ATP10B: variants seen among roughly 807,000 people sequenced by gnomAD.
ATP10B encodes phospholipid-transporting ATPase VB.
In ATP10B, 122 loss-of-function variants were observed where a neutral mutation model predicts 141.2. The observed-to-expected ratio is 0.86, with a 90% CI of 0.75 to 1.00. The LOEUF (loss-of-function observed/expected upper bound fraction) is 1.00, where lower values mean the gene tolerates loss of function less well. Among genes scored for constraint, ATP10B ranks in the 50% least tolerant of loss-of-function variants. The pLI, the probability that ATP10B is intolerant of heterozygous loss-of-function variation, is 0.00. For missense variants in ATP10B, 1,876 were observed against 1,825.3 expected (o/e 1.03, Z -0.51); for synonymous variants, 685 against 692.0 (o/e 0.99, Z 0.16).
At position 160,834,946 on chromosome 5, in the gene ATP10B, C is replaced by T. The variant is rs146513761; in HGVS notation, c.-576+16995G>A. Among the ~76,000 whole-genome samples, 304 of 152,214 alleles carry T rather than the reference C, an allele frequency of 2.0e-3. 3 individuals carry two copies. Among genetic ancestry groups the T allele is most frequent in the African/African-American group, 7.1e-3 (294 of 41,546 alleles). ...TGTTTATGCCTGCAACATTTGCCAT[C>T]TATACCACCTTAGTCTTATGAGAAC... On this transcript the variant is annotated intron_variant, in intron 1 of 25. Transcript: ENST00000327245.
At chr5:160,571,247 A>C in intron 24 of ATP10B, among the ~76,000 whole-genome samples, 1 of 152,194 alleles carries the variant, frequency 6.6e-6, no homozygotes, top group Non-Finnish European at 1.5e-5. Flanking sequence ...TGCTTCTATA[A>C]TTTTCATTAC....
chr5:160,610,891 C>T (rs59205394), intron 18 of ATP10B, among the ~76,000 whole-genome samples: 9 of 152,170 alleles, frequency 5.9e-5, no homozygotes, highest in African/African-American at 1.9e-4. Context: ...AGGTCTAGGT[C>T]GATCCCATAA....
At chr5:160,916,988 G>A in the ATP10B span, among the ~76,000 whole-genome samples, 13 of 152,314 alleles carry the variant, frequency 8.5e-5, no homozygotes, top group Admixed American at 6.5e-4. Context: ...CTGAGTATAC[G>A]TGCAAGTGTA....
chr5:160,654,710 A>G (rs75600061), intron 7 of ATP10B, among the ~76,000 whole-genome samples: 1,546 of 146,448 alleles, frequency 0.011, 19 homozygotes, highest in African/African-American at 0.04. Context: ...CATCGTCATC[A>G]TCATCATCAT....
rs112350364 is a variant in ATP10B, at chr5:160,836,951, AT to A, written c.-576+14989del. On this transcript the variant is annotated intron_variant, in intron 1 of 25. Coordinates refer to ENST00000327245, the MANE Select transcript of ATP10B (RefSeq NM_025153.3). ...ATTCCCTTGCTCAAGCCAAAAATGT[AT>A]TTTTTTTCTGATATCTCACTTTCCC... is the stretch of plus-strand genomic sequence containing the variant. 6.6e-5 allele frequency among the ~76,000 whole-genome samples: 10 copies of A among 151,864 alleles called. No homozygotes were observed. The East Asian group carries it at 1.4e-3, about 21-fold the overall frequency.
chr5:160,646,922 G>A (rs1343796713), intron 8 of ATP10B, among the ~76,000 whole-genome samples: 1 of 152,176 alleles, frequency 6.6e-6, no homozygotes, highest in Non-Finnish European at 1.5e-5. Flanking sequence ...CTCTGCTGGG[G>A]TGGGGGGCTG....
At chr5:160,734,106 CAAAAAA>C (rs34655958) in intron 2 of ATP10B, among the ~76,000 whole-genome samples, 1 of 67,924 alleles carries the variant, frequency 1.5e-5, no homozygotes, top group Non-Finnish European at 2.8e-5. Flanking sequence ...GACTCCATCT[CAAAAAA>C]AAAAAAAAAA....
At chr5:160,851,546 G>T (rs1267155580) in intron 1 of ATP10B, among the ~76,000 whole-genome samples, 1 of 152,158 alleles carries the variant, frequency 6.6e-6, no homozygotes, top group Non-Finnish European at 1.5e-5. Context: ...GCCATGTAAT[G>T]ATCTCATTCT....
intron 7 of ATP10B, among the ~76,000 whole-genome samples, chr5:160,653,802 T>C (rs1761212580): frequency 1.6e-5 from 2 of 121,740 alleles, no homozygotes; most frequent in South Asian, 4.8e-4. Context: ...TATAGACGTA[T>C]ATACATATAT....
chr5:160,645,581 C>T (rs1760222455), intron 8 of ATP10B, among the ~76,000 whole-genome samples: 1 of 152,306 alleles, frequency 6.6e-6, no homozygotes, highest in Non-Finnish European at 1.5e-5. Context: ...GTCCAGGGAG[C>T]ATTGCAGTTT....
intron 9 of ATP10B, among the ~76,000 whole-genome samples, chr5:160,642,499 G>T (rs1231037097): frequency 6.6e-6 from 1 of 152,120 alleles, no homozygotes; most frequent in East Asian, 1.9e-4. Flanking sequence ...ATTTGGCAAC[G>T]TCTTGAGAAA....
the ATP10B span, among the ~76,000 whole-genome samples, chr5:160,926,187 G>C: frequency 2.0e-5 from 3 of 152,200 alleles, no homozygotes; most frequent in Non-Finnish European, 4.4e-5. Context: ...ATCCAAGGAA[G>C]ACTCTTAAGA....
chr5:160,770,914 G>A (rs12517197), intron 2 of ATP10B, among the ~76,000 whole-genome samples: 23,766 of 152,124 alleles, frequency 0.16, 2,690 homozygotes, highest in East Asian at 0.43. Context: ...GTAGGTATTT[G>A]CATACTCAGC....
chr5:160,853,700 A>G (rs1488092897), upstream of ATP10B, among the ~76,000 whole-genome samples: 2 of 152,306 alleles, frequency 1.3e-5, no homozygotes, highest in East Asian at 1.9e-4. Context: ...CGTAAATACT[A>G]ACAGACATAT....
the ATP10B span, among the ~76,000 whole-genome samples, chr5:160,913,433 G>A: frequency 3.3e-5 from 5 of 152,096 alleles, no homozygotes; most frequent in Non-Finnish European, 5.9e-5. Flanking sequence ...GTTACTATGG[G>A]ACTGCAGTCT....
In ATP10B at chr5:160,612,786, C is replaced by T. The variant is rs536498563; in HGVS notation, c.2793G>A (p.Leu931=). The change falls in exon 18 of 26, where the codon CTG becomes CTA. Residue 931 remains leucine, a synonymous_variant. Coordinates refer to ENST00000327245, the MANE Select transcript of ATP10B (RefSeq NM_025153.3). The stretch of plus-strand genomic sequence containing the variant: ...TATAAACAGTGTCGGTCTGATTTAA[C>T]AGTCTGCAGGAATGGGCAATGTTGA... The part of the protein sequence containing the change: ...TAVNIAHSCR[L]LNQTDTVYTI... 2 of 1,614,032 alleles carry T rather than the reference C, an allele frequency of 1.2e-6. No homozygotes were observed. Among genetic ancestry groups the T allele is most frequent in the African/African-American group, 1.3e-5 (1 of 75,008 alleles).
chr5:160,689,188 T>C (rs755092824), intron 3 of ATP10B, among the ~76,000 whole-genome samples: 2 of 152,200 alleles, frequency 1.3e-5, no homozygotes, highest in Non-Finnish European at 2.9e-5. Context: ...CCCTTCATGC[T>C]AAAAACTCTC....
chr5:160,738,835 A>G (rs1767285392), intron 2 of ATP10B, among the ~76,000 whole-genome samples: 2 of 152,204 alleles, frequency 1.3e-5, no homozygotes, highest in Non-Finnish European at 2.9e-5. Flanking sequence ...TGAATTTAAC[A>G]TAAACTCCTT....
chr5:160,600,039 T>C (rs1021562677), intron 21 of ATP10B, among the ~76,000 whole-genome samples: 10 of 152,214 alleles, frequency 6.6e-5, no homozygotes, highest in African/African-American at 1.4e-4. Flanking sequence ...TTTGTAAAAT[T>C]TGACCTTCTA....
Sources: gnomAD v4.1 joint callset for allele counts (sites outside exome capture counted in the v4.1 genomes callset) on GRCh38, gnomAD v4.1.1 for gene constraint, MANE v1.5 for transcripts, NCBI Gene and HGNC (gene_info 2026-07-23, HGNC 2026-07-21) for gene names.